The following RNF152 variants were observed in gnomAD, a reference collection of about 807,000 sequenced individuals.
RNF152 encodes ring finger protein 152.
RNF152 carries 11 observed loss-of-function variants against 12.7 expected under a neutral mutation model. That is an observed-to-expected ratio of 0.86 (90% CI 0.54 to 1.43). The LOEUF (loss-of-function observed/expected upper bound fraction) is 1.43, where lower values mean the gene tolerates loss of function less well. Ranked by LOEUF, RNF152 falls within the 40% of genes most tolerant of loss-of-function variation. RNF152 has a pLI of 0.00. For synonymous variants in RNF152, 113 were observed against 120.3 expected (o/e 0.94, Z 0.40); for missense variants, 255 against 274.8 (o/e 0.93, Z 0.51).
intron 1 of RNF152, among the ~76,000 whole-genome samples, chr18:61,867,638 C>A (rs1158946226): frequency 1.3e-5 from 2 of 152,118 alleles, no homozygotes; most frequent in African/African-American, 2.4e-5. Flanking sequence ...CAACCCCCAA[C>A]CCAGGGTGAA....
At position 61,814,519 on chromosome 18, in the gene RNF152, C is replaced by T. The variant is rs1216183770; in HGVS notation, c.*1333G>A. On this transcript the variant is annotated 3_prime_UTR_variant, in exon 2 of 2. Coordinates refer to ENST00000312828, the MANE Select transcript of RNF152 (RefSeq NM_173557.3). ...CTTGTAGCAGATCTTTCTTCATGAGCATCTATAGATCATTACACATTTAAG... is the reference window on the plus strand; with the variant it reads ...CTTGTAGCAGATCTTTCTTCATGAGTATCTATAGATCATTACACATTTAAG... 2.6e-5 allele frequency: 4 copies of T among 152,220 alleles called. No individual in the cohort carries two copies. The allele number at this position is 152,220 out of a possible 1,614,324, so 9.4% of individuals were successfully genotyped here.
intron 1 of RNF152, among the ~76,000 whole-genome samples, chr18:61,829,401 C>T (rs1268403353): frequency 1.3e-5 from 2 of 152,032 alleles, no homozygotes; most frequent in Admixed American, 1.3e-4. Context: ...GTCCCAAGGA[C>T]CAGAGCGGCT....
Position 61,880,496 on chromosome 18 carries a change from T to C in RNF152, c.-136+12299A>G, listed in dbSNP as rs1599324098. On this transcript the variant is annotated intron_variant, in intron 1 of 1. Transcript: ENST00000312828. Reference sequence around the variant, plus strand: ...GTAACCTTGGACAAGTCACCAGGCTTTTCCAAGTTCCACTGCCTCCCAGAT... The same window carrying C: ...GTAACCTTGGACAAGTCACCAGGCTCTTCCAAGTTCCACTGCCTCCCAGAT... Among the ~76,000 whole-genome samples the C allele has an allele frequency of 2.0e-5, 3 of 152,256 alleles. No homozygotes were observed. In the South Asian group the frequency reaches 6.2e-4, roughly 32 times the overall value.
intron 1 of RNF152, among the ~76,000 whole-genome samples, chr18:61,881,409 C>T (rs1912458399): frequency 6.6e-6 from 1 of 152,088 alleles, no homozygotes; most frequent in South Asian, 2.1e-4. Flanking sequence ...ACTCCAGAAC[C>T]CAGAGGACAA....
chr18:61,866,749 G>A (rs572133596), intron 1 of RNF152, among the ~76,000 whole-genome samples: 11 of 152,190 alleles, frequency 7.2e-5, no homozygotes, highest in East Asian at 3.9e-4. Flanking sequence ...TGGTGACACC[G>A]GGGGTGTGAC....
intron 1 of RNF152, among the ~76,000 whole-genome samples, chr18:61,844,171 G>GAAGGAAGGAGGGAGGGA (rs1568275529): frequency 9.1e-6 from 1 of 109,586 alleles, no homozygotes; most frequent in East Asian, 2.6e-4. Flanking sequence ...GGGAGGAAGG[G>GAAGGAAGGAGGGAGGGA]AGGAAGAGAG....
intron 1 of RNF152, among the ~76,000 whole-genome samples, chr18:61,828,730 T>C (rs987745055): frequency 6.6e-6 from 1 of 152,142 alleles, no homozygotes; most frequent in Admixed American, 6.5e-5. Context: ...AGCCATAGAG[T>C]AACAAATACT....
chr18:61,852,861 T>G (rs990223498), intron 1 of RNF152, among the ~76,000 whole-genome samples: 2 of 152,196 alleles, frequency 1.3e-5, no homozygotes, highest in African/African-American at 4.8e-5. Context: ...CCACGAATAA[T>G]TTCACAATGA....
intron 1 of RNF152, among the ~76,000 whole-genome samples, chr18:61,889,012 C>T (rs1161817621): frequency 6.6e-6 from 1 of 152,188 alleles, no homozygotes; most frequent in African/African-American, 2.4e-5. Context: ...TCGGGGCTTT[C>T]ATTTTCCTTC....
At chr18:61,872,058 G>A (rs1040790982) in intron 1 of RNF152, among the ~76,000 whole-genome samples, 4 of 152,140 alleles carry the variant, frequency 2.6e-5, no homozygotes, top group African/African-American at 4.8e-5. Flanking sequence ...GCATCTGCTC[G>A]GCTCTGGGGA....
At chr18:61,867,089 A>G (rs1017205509) in intron 1 of RNF152, among the ~76,000 whole-genome samples, 21 of 152,184 alleles carry the variant, frequency 1.4e-4, no homozygotes, top group African/African-American at 5.1e-4. Flanking sequence ...CAGCTGAAGT[A>G]GGAAGAAAGC....
At chr18:61,822,771 A>G (rs1361666033) in intron 1 of RNF152, among the ~76,000 whole-genome samples, 2 of 152,224 alleles carry the variant, frequency 1.3e-5, no homozygotes, top group Admixed American at 1.3e-4. Flanking sequence ...AATAGTCTCT[A>G]TGAGGACCTT....
chr18:61,828,918 AG>A (rs1479985943), intron 1 of RNF152, among the ~76,000 whole-genome samples: 1 of 152,144 alleles, frequency 6.6e-6, no homozygotes, highest in African/African-American at 2.4e-5. Context: ...CGGGAGTATC[AG>A]GTTGAACTGG....
At chr18:61,839,849 C>T (rs533250508) in intron 1 of RNF152, among the ~76,000 whole-genome samples, 25 of 152,298 alleles carry the variant, frequency 1.6e-4, no homozygotes, top group Non-Finnish European at 2.8e-4. Context: ...GGGCCGAGAT[C>T]GTGCCTGTGT....
At chr18:61,879,110 G>A (rs1057462742) in intron 1 of RNF152, among the ~76,000 whole-genome samples, 4 of 152,162 alleles carry the variant, frequency 2.6e-5, no homozygotes, top group African/African-American at 4.8e-5. Context: ...TATCTGGGTC[G>A]CATATCTGTG....
Position 61,815,284 on chromosome 18 carries a change from C to A in RNF152, c.*568G>T, listed in dbSNP as rs1426550213. The A allele has an allele frequency of 6.6e-6, 1 of 152,466 alleles. No homozygotes were observed. Among genetic ancestry groups the A allele is most frequent in the Non-Finnish European group, 1.5e-5 (1 of 68,084 alleles). The allele number at this position is 152,466 out of a possible 1,614,324, so 9.4% of individuals were successfully genotyped here. A position where few individuals can be genotyped will look rare whatever the true frequency, so the allele number is the denominator to read the frequency against. Reference sequence around the variant, plus strand: ...GGAGACACTTGTTCAAATATTTCCTCCAAATAAAATGACTGTCCATTTTGA... The same window carrying A: ...GGAGACACTTGTTCAAATATTTCCTACAAATAAAATGACTGTCCATTTTGA... On this transcript the variant is annotated 3_prime_UTR_variant, in exon 2 of 2. Transcript: ENST00000312828.
At chr18:61,834,456 G>A (rs886259424) in intron 1 of RNF152, among the ~76,000 whole-genome samples, 1 of 152,192 alleles carries the variant, frequency 6.6e-6, no homozygotes, top group African/African-American at 2.4e-5. Flanking sequence ...TGAAAAGTGA[G>A]TTCCTTAGAG....
intron 1 of RNF152, among the ~76,000 whole-genome samples, chr18:61,866,354 G>C (rs1015337821): frequency 2.0e-5 from 3 of 152,160 alleles, no homozygotes; most frequent in Non-Finnish European, 4.4e-5. Context: ...CACCCTCATT[G>C]TCTTCTTATT....
At chr18:61,834,724 CA>C (rs1361681226) in intron 1 of RNF152, among the ~76,000 whole-genome samples, 2 of 152,114 alleles carry the variant, frequency 1.3e-5, no homozygotes, top group Non-Finnish European at 2.9e-5. Context: ...TATTTGCAGG[CA>C]ATTCAGAAAT....
Sources: gnomAD v4.1 joint callset for allele counts (sites outside exome capture counted in the v4.1 genomes callset) on GRCh38, gnomAD v4.1.1 for gene constraint, MANE v1.5 for transcripts, NCBI Gene and HGNC (gene_info 2026-07-23, HGNC 2026-07-21) for gene names.